LRRC7: variants seen among roughly 807,000 people sequenced by gnomAD.
LRRC7 encodes leucine-rich repeat-containing protein 7.
A neutral mutation model predicts 175.7 loss-of-function variants in LRRC7; 23 were observed. The observed-to-expected ratio is 0.13, with a 90% CI of 0.09 to 0.19. LRRC7 has a LOEUF of 0.19. Ranked by LOEUF, LRRC7 falls within the 10% of genes least tolerant of loss-of-function variation. The pLI is 1.00. For synonymous variants in LRRC7, 685 were observed against 680.9 expected (o/e 1.01, Z -0.09); for missense variants, 1,354 against 1,904.7 (o/e 0.71, Z 5.38).
chr1:69,961,550 C>T (rs530129706), intron 8 of LRRC7, among the ~76,000 whole-genome samples: 22 of 152,274 alleles, frequency 1.4e-4, no homozygotes, highest in African/African-American at 5.1e-4. Flanking sequence ...AAGAACAAAG[C>T]TGGAGGCATC....
rs899431747 is a variant in LRRC7, at chr1:70,096,593, G to GA, written c.4545+6785dup. The stretch of plus-strand genomic sequence containing the variant: ...GTATACTGAGTTCTCTGTTGAAAGA[G>GA]AAAAAAAAAAATCACACGTTCCCTT... On this transcript the variant is annotated intron_variant, in intron 25 of 26. Transcript: ENST00000651989. Among the ~76,000 whole-genome samples the GA allele has an allele frequency of 6.9e-3, 1,003 of 144,434 alleles. 5 individuals are homozygous for GA. The highest frequency in any genetic ancestry group is 9.2e-3 in the Non-Finnish European group (605 of 65,622). The allele number at this position is 144,434 out of a possible 152,430, so 94.8% of individuals were successfully genotyped here.
At chr1:69,799,129 G>T (rs1237576859) in intron 4 of LRRC7, among the ~76,000 whole-genome samples, 1 of 148,138 alleles carries the variant, frequency 6.8e-6, no homozygotes, top group African/African-American at 2.5e-5. Flanking sequence ...GATTATGTGG[G>T]CTACAAATAT....
intron 3 of LRRC7, among the ~76,000 whole-genome samples, chr1:69,786,206 C>A (rs1254709789): frequency 6.6e-6 from 1 of 152,134 alleles, no homozygotes; most frequent in Non-Finnish European, 1.5e-5. Context: ...GCAATACTAA[C>A]ACAGGACCAC....
At chr1:70,039,971 A>G (rs1015711353) in intron 21 of LRRC7, among the ~76,000 whole-genome samples, 178 bp downstream of exon 21, 1 of 152,198 alleles carries the variant, frequency 6.6e-6, no homozygotes, top group African/African-American at 2.4e-5. Context: ...ATGTGGCTAA[A>G]TGCTCTTTGA....
At chr1:69,857,533 C>CGGTGAAACCCCGT (rs1557818033) in intron 7 of LRRC7, among the ~76,000 whole-genome samples, 3 of 151,242 alleles carry the variant, frequency 2.0e-5, no homozygotes, top group African/African-American at 7.4e-5. Flanking sequence ...GAATAAAATA[C>CGGTGAAACCCCGT]CTAGGAATCC....
At chr1:69,598,749 C>G (rs984822548) in intron 1 of LRRC7, among the ~76,000 whole-genome samples, 7 of 152,212 alleles carry the variant, frequency 4.6e-5, no homozygotes, top group Middle Eastern at 3.4e-3. Flanking sequence ...ATGTTTCCAG[C>G]CAAAAATGTT....
intron 1 of LRRC7, among the ~76,000 whole-genome samples, chr1:69,584,784 C>G (rs1472735321): frequency 1.3e-5 from 2 of 152,050 alleles, no homozygotes; most frequent in African/African-American, 4.8e-5. Context: ...TCCTGTAAGT[C>G]TAGCTATTAT....
At chr1:69,985,003 C>A (rs918469749) in intron 9 of LRRC7, among the ~76,000 whole-genome samples, 1 of 152,304 alleles carries the variant, frequency 6.6e-6, no homozygotes, top group African/African-American at 2.4e-5. Context: ...TATAAAGGCA[C>A]GTGCTGTTCT....
chr1:69,914,333 T>C lies in LRRC7; in HGVS notation c.648-17174T>C, dbSNP rs546872821. ...TCTGAATCTAATAGAAAGAAAATCATAGATTGTACAATTTTGTCAAAGTGA... is the reference window on the plus strand; with the variant it reads ...TCTGAATCTAATAGAAAGAAAATCACAGATTGTACAATTTTGTCAAAGTGA... On this transcript the variant is annotated intron_variant, in intron 7 of 26. Transcript: ENST00000651989. 1.4e-4 allele frequency among the ~76,000 whole-genome samples: 21 copies of C among 152,264 alleles called. No individual in the cohort carries two copies. In the South Asian group the frequency reaches 3.9e-3, roughly 29 times the overall value.
chr1:69,833,676 AAAG>A (rs1172906114), intron 5 of LRRC7, among the ~76,000 whole-genome samples: 3 of 152,028 alleles, frequency 2.0e-5, no homozygotes, highest in Admixed American at 6.6e-5. Context: ...TAGTAGAAGC[AAAG>A]AAGGAGAGAA....
chr1:69,865,546 T>TCTCTG (rs1684854506), intron 7 of LRRC7, among the ~76,000 whole-genome samples: 1 of 132,596 alleles, frequency 7.5e-6, no homozygotes, highest in Non-Finnish European at 1.6e-5. Context: ...AGTGGCCCGA[T>TCTCTG]CTCTGCTCAC....
chr1:69,839,077 T>A (rs759485601), intron 7 of LRRC7: 1 of 287,090 alleles, frequency 3.5e-6, no homozygotes, highest in South Asian at 3.1e-5. Flanking sequence ...TTGAGTACAG[T>A]GAATAATTTT....
chr1:69,761,044 T>A (rs145058588), intron 3 of LRRC7, among the ~76,000 whole-genome samples: 3,295 of 151,836 alleles, frequency 0.022, 53 homozygotes, highest in Non-Finnish European at 0.034. Flanking sequence ...GAAAACCAGG[T>A]CTCCTGTGAC....
intron 1 of LRRC7, among the ~76,000 whole-genome samples, chr1:69,640,038 G>A (rs1653971308): frequency 1.3e-5 from 2 of 151,652 alleles, no homozygotes; most frequent in Non-Finnish European, 3.0e-5. Flanking sequence ...TGATCTGAGG[G>A]TCTTTGGCAA....
At chr1:69,939,801 A>T (rs934834051) in intron 8 of LRRC7, among the ~76,000 whole-genome samples, 8 of 152,132 alleles carry the variant, frequency 5.3e-5, no homozygotes, top group Non-Finnish European at 1.0e-4. Flanking sequence ...AAGCAAACAG[A>T]TCGATCAATT....
At chr1:69,877,044 C>G (rs982943211) in intron 7 of LRRC7, among the ~76,000 whole-genome samples, 1 of 152,008 alleles carries the variant, frequency 6.6e-6, no homozygotes, top group Non-Finnish European at 1.5e-5. Flanking sequence ...GAGTGTTACT[C>G]ATAGAGAAAA....
At chr1:69,905,488 A>T (rs1646273088) in intron 7 of LRRC7, among the ~76,000 whole-genome samples, 1 of 151,986 alleles carries the variant, frequency 6.6e-6, no homozygotes, top group African/African-American at 2.4e-5. Flanking sequence ...ATTCCCACCT[A>T]TGAGTGAGAA....
At position 69,665,879 on chromosome 1, in the gene LRRC7, A is replaced by G. The variant is rs181701372; in HGVS notation, c.3-12502A>G. 2.6e-5 allele frequency among the ~76,000 whole-genome samples: 4 copies of G among 152,110 alleles called. No individual in the cohort carries two copies. The East Asian group carries it at 5.8e-4, about 22-fold the overall frequency. The stretch of plus-strand genomic sequence containing the variant: ...AACTATGTTGAAAAACAGTGGGGAA[A>G]GTGGACATCTTTGTTGTGTTCCTGA... On this transcript the variant is annotated intron_variant, in intron 1 of 26. Coordinates refer to ENST00000651989, the MANE Select transcript of LRRC7 (RefSeq NM_001370785.2).
rs530200963 is a variant in LRRC7 at position 69,932,251 on chromosome 1, A to G, written c.711+681A>G. 4.6e-5 allele frequency among the ~76,000 whole-genome samples: 7 copies of G among 152,336 alleles called. 1 individual carries two copies. Among genetic ancestry groups the G allele is most frequent in the African/African-American group, 1.7e-4 (7 of 41,562 alleles). On this transcript the variant is annotated intron_variant, in intron 8 of 26. Transcript: ENST00000651989. Reference sequence around the variant, plus strand: ...AATATCTCAAATTTCAAAAAATTCAATTCATCTAAAGTGTATTTTAATTAT... The same window carrying G: ...AATATCTCAAATTTCAAAAAATTCAGTTCATCTAAAGTGTATTTTAATTAT...
Sources: gnomAD v4.1 joint callset for allele counts (sites outside exome capture counted in the v4.1 genomes callset) on GRCh38, gnomAD v4.1.1 for gene constraint, MANE v1.5 for transcripts, NCBI Gene and HGNC (gene_info 2026-07-23, HGNC 2026-07-21) for gene names.